The following DDB2 variants were observed in gnomAD, a reference collection of about 807,000 sequenced individuals.
DDB2 encodes damage specific DNA binding protein 2, also known as DNA damage-binding protein 2.
DDB2 carries 27 observed loss-of-function variants against 50.5 expected under a neutral mutation model. The ratio of observed to expected loss-of-function variants is 0.53; its 90% CI spans 0.39 to 0.74. The LOEUF is 0.74. DDB2 is among the 30% of genes least tolerant of loss of function. DDB2 has a pLI of 0.00. For synonymous variants in DDB2, 176 were observed against 205.5 expected (o/e 0.86, Z 1.23); for missense variants, 424 against 545.6 (o/e 0.78, Z 2.22).
At chr11:47,219,452 C>G (rs1222979381) in intron 3 of DDB2, among the ~76,000 whole-genome samples, 2 of 152,006 alleles carry the variant, frequency 1.3e-5, no homozygotes, top group African/African-American at 4.8e-5. Context: ...CCTCCACCTT[C>G]CTGACTCAAG....
At chr11:47,219,867 A>G (rs1436062028) in intron 3 of DDB2, among the ~76,000 whole-genome samples, 3 of 152,128 alleles carry the variant, frequency 2.0e-5, no homozygotes, top group Non-Finnish European at 4.4e-5. Flanking sequence ...GGCTCACTGC[A>G]AGCTCCGCCT....
chr11:47,222,137 T>C (rs1953494550), intron 3 of DDB2, among the ~76,000 whole-genome samples: 2 of 152,224 alleles, frequency 1.3e-5, no homozygotes, highest in Non-Finnish European at 2.9e-5. Flanking sequence ...GAGTTATCTA[T>C]GCCCCTTTGT....
chr11:47,214,932 G>GGGGCGGGGTCTCCGAGAC, upstream of DDB2: 1 of 680,372 alleles, frequency 1.5e-6, no homozygotes, highest in South Asian at 1.9e-5. Context: ...CTTCCAGGAA[G>GGGGCGGGGTCTCCGAGAC]GGGCGGGGTC....
Position 47,238,664 on chromosome 11 carries a change from C to T in DDB2, c.1235-136C>T, listed in dbSNP as rs568239617. ...CCGCCCACCTCAGCCTCCCAAAGTG[C>T]TGGGATTACAGACTTGAGCCACCGC... is the stretch of plus-strand genomic sequence containing the variant. On this transcript the variant is annotated intron_variant, in intron 9 of 9. Coordinates refer to ENST00000256996, the MANE Select transcript of DDB2 (RefSeq NM_000107.3). 360 of 858,986 alleles carry T rather than the reference C, an allele frequency of 4.2e-4. No individual in the cohort carries two copies. In the African/African-American group the frequency reaches 5.3e-3, roughly 13 times the overall value. The allele number at this position is 858,986 out of a possible 1,614,324, so 53.2% of individuals were successfully genotyped here. A position where few individuals can be genotyped will look rare whatever the true frequency, so the allele number is the denominator to read the frequency against.
At chr11:47,232,485 T>TAA (rs11422980) in intron 3 of DDB2, among the ~76,000 whole-genome samples, 38 of 146,226 alleles carry the variant, frequency 2.6e-4, no homozygotes, top group East Asian at 1.6e-3. Context: ...AACCCCATCT[T>TAA]AAAAAAAAAA....
chr11:47,234,411 G>A (rs1953693276), intron 4 of DDB2, among the ~76,000 whole-genome samples, 162 bp from the exon 5 acceptor site: 1 of 152,296 alleles, frequency 6.6e-6, no homozygotes, highest in African/African-American at 2.4e-5. Flanking sequence ...CGGTAGAGCA[G>A]TCTGAATGTT....
At chr11:47,231,759 A>G (rs4647738) in intron 3 of DDB2, among the ~76,000 whole-genome samples, 5,078 of 150,794 alleles carry the variant, frequency 0.034, 118 homozygotes, top group South Asian at 0.12. Flanking sequence ...GCCTCAAGCA[A>G]TCCCCCCGCC....
intron 1 of DDB2, 45 bp from the exon 2 acceptor site, chr11:47,216,291 C>G (rs757304535): frequency 1.9e-5 from 30 of 1,613,902 alleles, no homozygotes; most frequent in Non-Finnish European, 2.5e-5. Flanking sequence ...GCAGAAAAAC[C>G]TTTCGTGAGA....
chr11:47,238,203 C>T lies in DDB2; in HGVS notation c.1234+20C>T. The T allele has an allele frequency of 6.2e-7, 1 of 1,600,572 alleles. No individual in the cohort carries two copies. The highest frequency in any genetic ancestry group is 8.5e-7 in the Non-Finnish European group (1 of 1,172,380). ...CAATGGGTGAGTAGGAGGAGAATGT[C>T]TCTGACTTGCCAAGTCCGATCCTAC... On this transcript the variant is annotated intron_variant, in intron 9 of 9. Coordinates refer to ENST00000256996, the MANE Select transcript of DDB2 (RefSeq NM_000107.3).
chr11:47,232,500 G>T (rs830083), intron 3 of DDB2, among the ~76,000 whole-genome samples: 1 of 150,096 alleles, frequency 6.7e-6, no homozygotes, highest in Non-Finnish European at 1.5e-5. Flanking sequence ...AAAAAAAATA[G>T]AAAAATTAGC....
At chr11:47,222,674 C>A (rs991791521) in intron 3 of DDB2, among the ~76,000 whole-genome samples, 1 of 152,202 alleles carries the variant, frequency 6.6e-6, no homozygotes, top group Non-Finnish European at 1.5e-5. Context: ...ACAGTTTATT[C>A]ATTTACCTGT....
At chr11:47,232,734 G>A (rs954062580) in intron 3 of DDB2, 80 bp from the exon 4 acceptor site, 20 of 1,529,754 alleles carry the variant, frequency 1.3e-5, no homozygotes, top group African/African-American at 4.1e-5. Context: ...CTTCTGTGAC[G>A]GCGCAGCATG....
At chr11:47,216,801 G>T (rs1414183468) in intron 2 of DDB2, 57 bp from the exon 3 acceptor site, 2 of 1,561,890 alleles carry the variant, frequency 1.3e-6, no homozygotes, top group African/African-American at 1.4e-5. Context: ...GCAGAGATTG[G>T]CAGTTTACCC....
intron 3 of DDB2, among the ~76,000 whole-genome samples, chr11:47,228,976 AAT>A (rs1590996639): frequency 9.8e-5 from 2 of 20,348 alleles, no homozygotes; most frequent in African/African-American, 1.9e-4. Flanking sequence ...AAAAAAAAGA[AAT>A]ATCTATCTAT....
At chr11:47,216,834 C>A in intron 2 of DDB2, 24 bp from the exon 3 acceptor site, 1 of 1,612,520 alleles carries the variant, frequency 6.2e-7, no homozygotes, top group Non-Finnish European at 8.5e-7. Context: ...TTAATTCAAC[C>A]TAATTCATTT....
intron 3 of DDB2, among the ~76,000 whole-genome samples, chr11:47,226,450 T>C (rs755783429): frequency 2.0e-5 from 3 of 152,106 alleles, no homozygotes; most frequent in Non-Finnish European, 4.4e-5. Flanking sequence ...ATTTTTGTAT[T>C]TTCAGTAGAG....
At chr11:47,229,818 CT>C (rs11376360) in intron 3 of DDB2, 8,257 of 325,902 alleles carry the variant, frequency 0.025, 2 homozygotes, top group East Asian at 0.062. Context: ...GATGGCTCTT[CT>C]TTTTTTTTTT....
intron 3 of DDB2, among the ~76,000 whole-genome samples, chr11:47,221,312 C>T (rs569317393): frequency 4.9e-4 from 73 of 150,416 alleles, no homozygotes; most frequent in African/African-American, 1.7e-3. Flanking sequence ...CTTGCTCTGT[C>T]GCTCAGGCTG....
intron 3 of DDB2, 154 bp downstream of exon 3, chr11:47,217,203 C>T (rs55811602): frequency 1.6e-6 from 1 of 630,864 alleles, no homozygotes. Context: ...TGGTGAAACC[C>T]CGTCTCTACT....
Sources: allele counts gnomAD v4.1 joint callset (sites outside exome capture counted in the v4.1 genomes callset), GRCh38; gene constraint gnomAD v4.1.1; transcripts MANE v1.5; gene names NCBI Gene and HGNC (gene_info 2026-07-23, HGNC 2026-07-21).